The following ZRANB3 variants were observed in gnomAD, a reference collection of about 807,000 sequenced individuals.
ZRANB3 encodes DNA annealing helicase and endonuclease ZRANB3.
A neutral mutation model predicts 133.8 loss-of-function variants in ZRANB3; 125 were observed. The ratio of observed to expected loss-of-function variants is 0.93; its 90% confidence interval spans 0.81 to 1.08. The LOEUF is 1.08. ZRANB3 is among the 50% of genes least tolerant of loss of function. The pLI, the probability that ZRANB3 is intolerant of heterozygous loss-of-function variation, is 0.00. For synonymous variants in ZRANB3, 387 were observed against 432.7 expected, an observed-to-expected ratio of 0.89 and a Z score of 1.31; for missense variants, 1,229 against 1,275.5, an observed-to-expected ratio of 0.96 and a Z score of 0.56.
chr2:135,454,429 AT>A (rs11335106), intron 2 of ZRANB3, among the ~76,000 whole-genome samples: 15,857 of 151,702 alleles, frequency 0.1, 1,093 homozygotes, highest in South Asian at 0.32. Flanking sequence ...TAAATCTTTA[AT>A]TTTTTTTTAA....
At chr2:135,270,744 A>G (rs1020063483) in intron 10 of ZRANB3, among the ~76,000 whole-genome samples, 1 of 152,192 alleles carries the variant, frequency 6.6e-6, no homozygotes, top group African/African-American at 2.4e-5. Context: ...TCTGTATATA[A>G]TTTTATATAC....
intron 2 of ZRANB3, among the ~76,000 whole-genome samples, chr2:135,480,715 T>G (rs2104792303): frequency 6.7e-6 from 1 of 149,800 alleles, no homozygotes; most frequent in African/African-American, 2.5e-5. Context: ...CTGCACCCAC[T>G]AACTCGTCAT....
intron 10 of ZRANB3, among the ~76,000 whole-genome samples, 170 bp downstream of exon 10, chr2:135,271,598 G>A (rs961494869): frequency 2.0e-5 from 3 of 152,082 alleles, no homozygotes; most frequent in Non-Finnish European, 2.9e-5. Flanking sequence ...CAAAGACATC[G>A]AGGCCTCTTT....
intron 2 of ZRANB3, among the ~76,000 whole-genome samples, chr2:135,422,141 TTCTA>T: frequency 6.6e-6 from 1 of 152,224 alleles, no homozygotes; most frequent in East Asian, 1.9e-4. Flanking sequence ...GTCTATTCTA[TTCTA>T]TCTTTTTTTA....
chr2:135,298,355 G>A (rs1682259591), intron 8 of ZRANB3, among the ~76,000 whole-genome samples: 1 of 152,112 alleles, frequency 6.6e-6, no homozygotes, highest in South Asian at 2.1e-4. Context: ...ATCCATTGCT[G>A]GTGAGCTAGT....
chr2:135,300,846 C>T (rs866096864), intron 8 of ZRANB3, among the ~76,000 whole-genome samples: 2 of 152,206 alleles, frequency 1.3e-5, no homozygotes, highest in Non-Finnish European at 2.9e-5. Flanking sequence ...ATTCTCCACA[C>T]AGCTAGTTAT....
intron 12 of ZRANB3, among the ~76,000 whole-genome samples, chr2:135,253,240 C>T (rs1364980941): frequency 6.6e-6 from 1 of 152,180 alleles, no homozygotes; most frequent in African/African-American, 2.4e-5. Context: ...CCTGCCAACG[C>T]AGGCTTGTTT....
chr2:135,212,201 C>T (rs1441451994), intron 17 of ZRANB3, among the ~76,000 whole-genome samples: 1 of 152,176 alleles, frequency 6.6e-6, no homozygotes, highest in Non-Finnish European at 1.5e-5. Flanking sequence ...GGGCAGTAGT[C>T]GTAGTTAAAG....
At chr2:135,357,062 G>A (rs74354814) in intron 3 of ZRANB3, among the ~76,000 whole-genome samples, 5,917 of 151,970 alleles carry the variant, frequency 0.039, 398 homozygotes, top group African/African-American at 0.14. Context: ...CCTTTGAAAC[G>A]TCTTTTTGTC....
At chr2:135,285,421 C>A (rs1012045977) in intron 8 of ZRANB3, among the ~76,000 whole-genome samples, 1 of 152,184 alleles carries the variant, frequency 6.6e-6, no homozygotes, top group East Asian at 1.9e-4. Context: ...GAGATCCTTT[C>A]CGAAACTACA....
At chr2:135,336,592 C>T (rs1243149468) in intron 6 of ZRANB3, among the ~76,000 whole-genome samples, 1 of 152,102 alleles carries the variant, frequency 6.6e-6, no homozygotes, top group Admixed American at 6.5e-5. Flanking sequence ...AAAGAAAATG[C>T]CTTTTGAGAA....
At chr2:135,398,679 C>A (rs1478027254) in intron 2 of ZRANB3, among the ~76,000 whole-genome samples, 2 of 151,064 alleles carry the variant, frequency 1.3e-5, no homozygotes, top group African/African-American at 4.9e-5. Context: ...CCACCATGCC[C>A]AGCTAATTTT....
intron 2 of ZRANB3, among the ~76,000 whole-genome samples, chr2:135,462,539 CCCTT>C (rs1260588455): frequency 4.0e-5 from 6 of 151,330 alleles, no homozygotes; most frequent in Non-Finnish European, 8.8e-5. Flanking sequence ...TCCTTTCTTT[CCCTT>C]CCTTCCTTTC....
At chr2:135,524,582 TCTAA>T (rs1265641258) in intron 1 of ZRANB3, among the ~76,000 whole-genome samples, 1 of 152,062 alleles carries the variant, frequency 6.6e-6, no homozygotes, top group Non-Finnish European at 1.5e-5. Context: ...TTGACAAAAA[TCTAA>T]CTAATAAATT....
intron 2 of ZRANB3, among the ~76,000 whole-genome samples, chr2:135,395,548 C>T (rs1687451814): frequency 6.6e-6 from 1 of 151,590 alleles, no homozygotes; most frequent in African/African-American, 2.4e-5. Context: ...ACCTCTGCCT[C>T]CCACGTTCAA....
intron 2 of ZRANB3, among the ~76,000 whole-genome samples, chr2:135,484,814 A>G (rs780926812): frequency 6.6e-6 from 1 of 151,794 alleles, no homozygotes; most frequent in Non-Finnish European, 1.5e-5. Flanking sequence ...TGGGCAGATC[A>G]CTTGAGGTCA....
intron 2 of ZRANB3, among the ~76,000 whole-genome samples, chr2:135,421,648 CCT>C (rs1157819391): frequency 6.6e-6 from 1 of 152,076 alleles, no homozygotes; most frequent in African/African-American, 2.4e-5. Context: ...TACCAAAATT[CCT>C]CTCTGACTAC....
At chr2:135,396,002 T>G (rs147779548) in intron 2 of ZRANB3, among the ~76,000 whole-genome samples, 2 of 152,154 alleles carry the variant, frequency 1.3e-5, no homozygotes, top group African/African-American at 4.8e-5. Flanking sequence ...ATTTTTTAAA[T>G]GGACAAAAGA....
chr2:135,295,894 T>G (rs942082729), intron 8 of ZRANB3, among the ~76,000 whole-genome samples: 4 of 152,232 alleles, frequency 2.6e-5, no homozygotes, highest in African/African-American at 4.8e-5. Flanking sequence ...TTAAGAATGT[T>G]GAATATTGGC....
Sources: allele counts gnomAD v4.1 joint callset (sites outside exome capture counted in the v4.1 genomes callset), GRCh38; gene constraint gnomAD v4.1.1; transcripts MANE v1.5; gene names NCBI Gene and HGNC (gene_info 2026-07-23, HGNC 2026-07-21).